ROBO2: variants seen among roughly 807,000 people sequenced by gnomAD.
ROBO2 encodes the protein roundabout homolog 2.
ROBO2 carries 53 observed loss-of-function variants against 160.8 expected under a neutral mutation model. That is an observed-to-expected ratio of 0.33 (90% CI 0.26 to 0.41). The LOEUF (loss-of-function observed/expected upper bound fraction) is 0.41. Ranked by LOEUF, ROBO2 falls within the 10% of genes least tolerant of loss-of-function variation. ROBO2 has a pLI of 1.00. For synonymous variants in ROBO2, 664 were observed against 611.7 expected (o/e 1.09, Z -1.26); for missense variants, 1,577 against 1,722.4 (o/e 0.92, Z 1.49).
chr3:76,071,762 A>G (rs1184151709), intron 2 of ROBO2, among the ~76,000 whole-genome samples: 3 of 151,948 alleles, frequency 2.0e-5, no homozygotes, highest in African/African-American at 7.2e-5. Flanking sequence ...AAGTAAACAA[A>G]TACTTTAAAA....
chr3:76,090,990 C>G (rs2069208788), intron 2 of ROBO2, among the ~76,000 whole-genome samples: 1 of 152,184 alleles, frequency 6.6e-6, no homozygotes, highest in Non-Finnish European at 1.5e-5. Flanking sequence ...AAACACAAAA[C>G]TACGAAGCTC....
At chr3:76,693,274 C>A (rs371404561) in intron 2 of ROBO2, among the ~76,000 whole-genome samples, 12,005 of 147,976 alleles carry the variant, frequency 0.081, 757 homozygotes, top group African/African-American at 0.17. Context: ...GTCTCTCTCT[C>A]TATATATAGT....
chr3:77,188,968 T>TGAGAGAGA (rs1553828869), intron 2 of ROBO2, among the ~76,000 whole-genome samples: 1 of 142,292 alleles, frequency 7.0e-6, no homozygotes, highest in African/African-American at 2.6e-5. Context: ...TGTGTGTGTG[T>TGAGAGAGA]GAGAGAGAGA....
At chr3:77,150,430 G>A (rs1204584782) in intron 2 of ROBO2, among the ~76,000 whole-genome samples, 3 of 152,144 alleles carry the variant, frequency 2.0e-5, no homozygotes, top group Non-Finnish European at 2.9e-5. Flanking sequence ...ATATTTATTT[G>A]TTCGTGTTTG....
Position 76,767,683 on chromosome 3 carries a change from T to A in ROBO2, c.110-330331T>A, listed in dbSNP as rs578198210. Among the ~76,000 whole-genome samples, 4 of 151,624 alleles carry A rather than the reference T, an allele frequency of 2.6e-5. No homozygotes were observed. The South Asian group carries it at 8.3e-4, about 31-fold the overall frequency. Reference sequence around the variant, plus strand: ...CTTTGTAGAGTGTAATGCTGTACTCTTTTTTATTAAACTTTTTTGCTTTAT... The same window carrying A: ...CTTTGTAGAGTGTAATGCTGTACTCATTTTTATTAAACTTTTTTGCTTTAT... On this transcript the variant is annotated intron_variant, in intron 2 of 26. Coordinates refer to the ROBO2 transcript ENST00000487694.
chr3:76,732,913 T>C (rs1037516311), intron 2 of ROBO2, among the ~76,000 whole-genome samples: 2 of 151,226 alleles, frequency 1.3e-5, no homozygotes, highest in Non-Finnish European at 2.9e-5. Flanking sequence ...GCATAGCAGA[T>C]CTTAAGAGTC....
chr3:75,962,718 T>C (rs1948964052), intron 2 of ROBO2, among the ~76,000 whole-genome samples: 1 of 151,948 alleles, frequency 6.6e-6, no homozygotes, highest in Non-Finnish European at 1.5e-5. Context: ...TGTATTTTTT[T>C]CTTTTCATAA....
chr3:76,578,491 G>T (rs746250304), intron 2 of ROBO2, among the ~76,000 whole-genome samples: 3 of 151,954 alleles, frequency 2.0e-5, no homozygotes, highest in Non-Finnish European at 2.9e-5. Context: ...GTTCTTTTTA[G>T]TTCATTTGTA....
intron 2 of ROBO2, among the ~76,000 whole-genome samples, chr3:76,328,879 A>C (rs2073247268): frequency 2.5e-5 from 1 of 40,578 alleles, no homozygotes; most frequent in Admixed American, 2.9e-4. Context: ...AACAAACAAA[A>C]ACAAATATAT....
intron 2 of ROBO2, among the ~76,000 whole-genome samples, chr3:77,134,325 A>G (rs993510919): frequency 5.1e-4 from 78 of 152,330 alleles, no homozygotes; most frequent in African/African-American, 1.7e-3. Flanking sequence ...TATACCACAC[A>G]TTTGACTTTT....
At chr3:77,150,730 C>CT (rs11286216) in intron 2 of ROBO2, among the ~76,000 whole-genome samples, 61 of 145,894 alleles carry the variant, frequency 4.2e-4, no homozygotes, top group South Asian at 6.5e-4. Context: ...AATGAGAAGC[C>CT]TTTTTTTTTT....
At chr3:76,636,947 A>G (rs1329048469) in intron 2 of ROBO2, among the ~76,000 whole-genome samples, 1 of 85,224 alleles carries the variant, frequency 1.2e-5, no homozygotes, top group Admixed American at 1.1e-4. Flanking sequence ...GAGTGATGGC[A>G]GGCCAACAAT....
chr3:76,488,109 A>T (rs2107474188), intron 2 of ROBO2, among the ~76,000 whole-genome samples: 1 of 152,290 alleles, frequency 6.6e-6, no homozygotes, highest in South Asian at 2.1e-4. Flanking sequence ...TCTGCCTCAA[A>T]GTGAAAGGGT....
chr3:76,886,163 TC>T (rs2073859011), intron 2 of ROBO2, among the ~76,000 whole-genome samples: 1 of 152,072 alleles, frequency 6.6e-6, no homozygotes, highest in Non-Finnish European at 1.5e-5. Context: ...GGTTCTGACT[TC>T]CTTGGGAGAG....
chr3:77,218,383 T>G (rs907209964), intron 2 of ROBO2, among the ~76,000 whole-genome samples: 1 of 151,902 alleles, frequency 6.6e-6, no homozygotes, highest in African/African-American at 2.4e-5. Flanking sequence ...ATACTTTTTT[T>G]TTTTTTTTTG....
rs1380413242 is a variant in ROBO2 at position 76,522,033 on chromosome 3, ATCCT to A, written c.110-575978_110-575975del. ...TTTTGTTTTTCAAGAATTTTGTGTA[ATCCT>A]TCATCTAAATTAAAGAAATTGACTA... On this transcript the variant is annotated intron_variant, in intron 2 of 26. Transcript: ENST00000487694. 2.0e-5 allele frequency among the ~76,000 whole-genome samples: 3 copies of A among 152,154 alleles called. No homozygotes were observed. The East Asian group carries it at 5.8e-4, about 29-fold the overall frequency.
intron 2 of ROBO2, among the ~76,000 whole-genome samples, chr3:77,373,883 AAATGT>A (rs1185940447): frequency 6.6e-6 from 1 of 151,376 alleles, no homozygotes; most frequent in Non-Finnish European, 1.5e-5. Context: ...AAAAAAAAAA[AAATGT>A]TGGCGGGGCG....
chr3:77,098,068 A>G, exon 2 of ROBO2: 1 of 1,586,522 alleles, frequency 6.3e-7, no homozygotes, highest in Non-Finnish European at 8.6e-7. Context: ...CATCCTTCCG[A>G]TGTCATCGTC....
intron 2 of ROBO2, among the ~76,000 whole-genome samples, chr3:76,141,450 A>G (rs1054063906): frequency 6.6e-6 from 1 of 151,190 alleles, no homozygotes; most frequent in Non-Finnish European, 1.5e-5. Context: ...TTTTTTAATG[A>G]AAAGTTTAAA....
Sources: gnomAD v4.1 joint callset for allele counts (sites outside exome capture counted in the v4.1 genomes callset) on GRCh38, gnomAD v4.1.1 for gene constraint, MANE v1.5 for transcripts, NCBI Gene and HGNC (gene_info 2026-07-23, HGNC 2026-07-21) for gene names.